Variants in RAN observed in about 807,000 individuals in gnomAD.
The protein encoded by RAN is RAN, member RAS oncogene family, also known as GTP-binding nuclear protein Ran.
A neutral mutation model predicts 26.8 loss-of-function variants in RAN; 2 were observed. The observed-to-expected ratio is 0.07, with a 90% CI of 0.03 to 0.23. The LOEUF is 0.23. RAN is among the 10% of genes least tolerant of loss of function. The pLI, the probability that RAN is intolerant of heterozygous loss-of-function variation, is 1.00. For synonymous variants in RAN, 132 were observed against 95.9 expected, an observed-to-expected ratio of 1.38 and a Z score of -2.20; for missense variants, 56 against 264.8, an observed-to-expected ratio of 0.21 and a Z score of 5.47.
At chr12:130,873,268 C>T (rs927629482) in intron 4 of RAN, 140 bp downstream of exon 4, 22 of 1,174,124 alleles carry the variant, frequency 1.9e-5, no homozygotes, top group Non-Finnish European at 2.5e-5. Context: ...GGGGAGTTGA[C>T]CACCATTTTG....
chr12:130,874,001 C>G (rs560899666), intron 4 of RAN: 4 of 388,464 alleles, frequency 1.0e-5, no homozygotes, highest in Non-Finnish European at 2.1e-5. Context: ...GCACGTGCCA[C>G]TATGCCTGAC....
At chr12:130,873,744 A>G (rs935123994) in intron 4 of RAN, 6 of 158,186 alleles carry the variant, frequency 3.8e-5, no homozygotes, top group South Asian at 1.7e-4. Flanking sequence ...TTCCTTGAGC[A>G]TGTACAAATA....
chr12:130,874,780 A>G (rs1282400758), intron 5 of RAN, 47 bp downstream of exon 5: 1 of 1,477,442 alleles, frequency 6.8e-7, no homozygotes, highest in Non-Finnish European at 9.4e-7. Flanking sequence ...AGCGGAGATT[A>G]TATGTAAGAC....
In RAN at chr12:130,875,536, T is replaced by A; in HGVS notation, c.436-76T>A. 2 of 1,316,064 alleles carry A rather than the reference T, an allele frequency of 1.5e-6. 1 individual carries two copies. The highest frequency in any genetic ancestry group is 3.0e-5 in the South Asian group (2 of 67,356). 81.5% of individuals were successfully genotyped at this position (1,316,064 alleles called of 1,614,324 possible). ...CTTGCCAAGAATCTTAACATTTTCT[T>A]ATCTTGCAATGTCCTAGAAAAATCG... On this transcript the variant is annotated intron_variant, in intron 5 of 6. Transcript: ENST00000543796.
intron 4 of RAN, chr12:130,873,818 CTG>C (rs1250384353): frequency 8.2e-5 from 13 of 158,904 alleles, no homozygotes; most frequent in Admixed American, 8.0e-4. Context: ...GCCTTGCTAA[CTG>C]TACCATAGTT....
intron 4 of RAN, chr12:130,874,031 TAGAG>T: frequency 2.6e-6 from 1 of 391,050 alleles, no homozygotes; most frequent in Non-Finnish European, 5.2e-6. Context: ...TATTTTTTTG[TAGAG>T]ATGGGGATTC....
At chr12:130,874,773 G>T (rs112617676) in intron 5 of RAN, 40 bp downstream of exon 5, 1 of 1,516,164 alleles carries the variant, frequency 6.6e-7, no homozygotes, top group Non-Finnish European at 9.1e-7. Context: ...TTCTCTTAGC[G>T]GAGATTATAT....
In RAN at chr12:130,877,214, A is replaced by T. The variant is rs1442763978; in HGVS notation, c.*1288A>T. On this transcript the variant is annotated 3_prime_UTR_variant, in exon 7 of 7. Transcript: ENST00000543796. ...TTTTCTCATACGATTACTATAGTCC[A>T]GTTTACCAAAGTTTTCTTTAGATGT... 6.6e-6 allele frequency: 1 copy of T among 152,190 alleles called. No individual in the cohort carries two copies. The highest frequency in any genetic ancestry group is 1.5e-5 in the Non-Finnish European group (1 of 68,044). The allele number at this position is 152,190 out of a possible 1,614,324, so 9.4% of individuals were successfully genotyped here. A position where few individuals can be genotyped will look rare whatever the true frequency, so the allele number is the denominator to read the frequency against.
intron 5 of RAN, 59 bp from the exon 6 acceptor site, chr12:130,875,553 G>T (rs1329600951): frequency 4.2e-6 from 6 of 1,422,522 alleles, no homozygotes; most frequent in Non-Finnish European, 5.7e-6. Context: ...CAATGTCCTA[G>T]AAAAATCGTC....
intron 3 of RAN, 32 bp downstream of exon 3, chr12:130,872,952 A>C (rs150001116): frequency 6.2e-7 from 1 of 1,614,110 alleles, no homozygotes; most frequent in African/African-American, 1.3e-5. Flanking sequence ...TTGTGGAAAT[A>C]TGTGAGAAAT....
intron 1 of RAN, 26 bp downstream of exon 1, chr12:130,872,152 CGGCCG>C (rs1953144296): frequency 4.8e-6 from 1 of 207,648 alleles, no homozygotes; most frequent in African/African-American, 2.4e-5. Context: ...GGGCCCGGCA[CGGCCG>C]GGCGGGGACA....
Position 130,876,409 on chromosome 12 carries a change from C to T in RAN, c.*483C>T, listed in dbSNP as rs941611569. 1 of 165,010 alleles carries T rather than the reference C, an allele frequency of 6.1e-6. No individual in the cohort carries two copies. The highest frequency in any genetic ancestry group is 1.6e-4 in the South Asian group (1 of 6,244). The allele number at this position is 165,010 out of a possible 1,614,324, so 10.2% of individuals were successfully genotyped here. ...AATTTGAAATCTATTGGGTTAATTT[C>T]TCCCTATGTTTATTTTTGTACATTT... On this transcript the variant is annotated 3_prime_UTR_variant, in exon 7 of 7. Coordinates refer to ENST00000543796, the MANE Select transcript of RAN (RefSeq NM_006325.5).
chr12:130,876,029 C>A lies in RAN; in HGVS notation c.*103C>A. 1 of 1,197,080 alleles carries A rather than the reference C, an allele frequency of 8.4e-7. No homozygotes were observed. Among genetic ancestry groups the A allele is most frequent in the Non-Finnish European group, 1.2e-6 (1 of 819,084 alleles). 74.2% of individuals were successfully genotyped at this position (1,197,080 alleles called of 1,614,324 possible). ...GCCACCTCATTATTATCTAGCTAAG[C>A]GGAACATGTGCTTCATCTGTGGGAT... On this transcript the variant is annotated 3_prime_UTR_variant, in exon 7 of 7. Transcript: ENST00000543796.
At chr12:130,875,538 T>C (rs1016669459) in intron 5 of RAN, 74 bp from the exon 6 acceptor site, 21 of 1,319,894 alleles carry the variant, frequency 1.6e-5, no homozygotes, top group East Asian at 4.9e-5. Flanking sequence ...CATTTTCTTA[T>C]CTTGCAATGT....
At position 130,875,571 on chromosome 12, in the gene RAN, TAATG is replaced by T. The variant is rs761752598; in HGVS notation, c.436-37_436-34del. 19 of 1,481,156 alleles carry T rather than the reference TAATG, an allele frequency of 1.3e-5. No homozygotes were observed. The African/African-American group carries it at 2.6e-4, about 20-fold the overall frequency. The allele number at this position is 1,481,156 out of a possible 1,614,324, so 91.8% of individuals were successfully genotyped here. A position where few individuals can be genotyped will look rare whatever the true frequency, so the allele number is the denominator to read the frequency against. Reference sequence around the variant, plus strand: ...TGTCCTAGAAAAATCGTCATCTTAATAATGAATTTTAAAAAGTAATTTTACCTTT... The same window carrying T: ...TGTCCTAGAAAAATCGTCATCTTAATAATTTTAAAAAGTAATTTTACCTTT... On this transcript the variant is annotated intron_variant, in intron 5 of 6. Transcript: ENST00000543796.
Position 130,872,996 on chromosome 12 carries a change from G to C in RAN, c.122-7G>C. ...TCATCCACTCAATCGCATCGTTTCC[G>C]TTTCAGCCACCTTGGGTGTTGAGGT... On this transcript the variant is annotated splice_region_variant and splice_polypyrimidine_tract_variant and intron_variant, in intron 3 of 6. Transcript: ENST00000543796. 6.2e-7 allele frequency: 1 copy of C among 1,614,202 alleles called. No homozygotes were observed. The highest frequency in any genetic ancestry group is 8.5e-7 in the Non-Finnish European group (1 of 1,180,044).
chr12:130,875,574 T>C lies in RAN; in HGVS notation c.436-38T>C, dbSNP rs766150467. On this transcript the variant is annotated intron_variant, in intron 5 of 6. Coordinates refer to ENST00000543796, the MANE Select transcript of RAN (RefSeq NM_006325.5). ...CCTAGAAAAATCGTCATCTTAATAA[T>C]GAATTTTAAAAAGTAATTTTACCTT... The C allele has an allele frequency of 6.0e-6, 9 of 1,495,504 alleles. No homozygotes were observed. In the African/African-American group the frequency reaches 7.1e-5, roughly 12 times the overall value. The allele number at this position is 1,495,504 out of a possible 1,614,324, so 92.6% of individuals were successfully genotyped here.
intron 4 of RAN, chr12:130,873,856 T>C (rs1391800703): frequency 5.7e-6 from 1 of 174,130 alleles, no homozygotes; most frequent in Non-Finnish European, 1.3e-5. Context: ...TATATAGGCT[T>C]TATCTGGGTT....
chr12:130,872,528 G>T (rs1272830870), intron 1 of RAN, 56 bp from the exon 2 acceptor site: 9 of 1,280,606 alleles, frequency 7.0e-6, no homozygotes, highest in Non-Finnish European at 8.9e-6. Context: ...CGGGAGCGGG[G>T]CCGCCATGGG....
Sources: allele counts gnomAD v4.1 joint callset, GRCh38; gene constraint gnomAD v4.1.1; transcripts MANE v1.5; gene names NCBI Gene and HGNC (gene_info 2026-07-23, HGNC 2026-07-21).